TMTC2: variants seen among roughly 807,000 people sequenced by gnomAD.
TMTC2 encodes the protein protein O-mannosyl-transferase TMTC2.
In TMTC2, 43 loss-of-function variants were observed where a neutral mutation model predicts 82.4. The ratio of observed to expected loss-of-function variants is 0.52; its 90% CI spans 0.41 to 0.67. TMTC2 has a LOEUF of 0.67. Among genes scored for constraint, TMTC2 ranks in the 30% least tolerant of loss-of-function variants. The pLI, the probability that TMTC2 is intolerant of heterozygous loss-of-function variation, is 0.00. For synonymous variants in TMTC2, 408 were observed against 381.9 expected, an observed-to-expected ratio of 1.07 and a Z score of -0.80; for missense variants, 919 against 1,012.4, an observed-to-expected ratio of 0.91 and a Z score of 1.25.
At chr12:82,760,222 C>CT (rs1876539842) in intron 1 of TMTC2, 1 of 151,710 alleles carries the variant, frequency 6.6e-6, no homozygotes, top group Admixed American at 6.6e-5. Context: ...GTAATCAGCA[C>CT]TTTTGAGAAG....
At chr12:82,737,014 A>T (rs1875161479) in intron 1 of TMTC2, among the ~76,000 whole-genome samples, 1 of 152,216 alleles carries the variant, frequency 6.6e-6, no homozygotes, top group South Asian at 2.1e-4. Flanking sequence ...ACTAAAGATC[A>T]GTTAGAATTT....
At chr12:83,026,434 A>C (rs1881179228) in intron 8 of TMTC2, among the ~76,000 whole-genome samples, 1 of 151,926 alleles carries the variant, frequency 6.6e-6, no homozygotes, top group African/African-American at 2.4e-5. Context: ...TTACATAAAC[A>C]CTCAAAATCA....
chr12:83,033,484 G>A (rs941517151), intron 9 of TMTC2, among the ~76,000 whole-genome samples: 7 of 152,098 alleles, frequency 4.6e-5, no homozygotes, highest in African/African-American at 1.4e-4. Context: ...CGGGCACGGC[G>A]GCTCACGCCT....
At chr12:82,873,213 TTGTGTG>T (rs35177760) in intron 2 of TMTC2, among the ~76,000 whole-genome samples, 169 of 143,624 alleles carry the variant, frequency 1.2e-3, no homozygotes, top group East Asian at 5.1e-3. Flanking sequence ...TTCAAAGATG[TTGTGTG>T]TGTGTGTGTG....
chr12:82,963,231 G>A (rs1208710409), intron 4 of TMTC2, among the ~76,000 whole-genome samples: 2 of 151,924 alleles, frequency 1.3e-5, no homozygotes, highest in Non-Finnish European at 2.9e-5. Context: ...AATGAATACA[G>A]GTTATACGGG....
At chr12:82,831,507 T>C (rs1869744363) in intron 1 of TMTC2, among the ~76,000 whole-genome samples, 1 of 152,174 alleles carries the variant, frequency 6.6e-6, no homozygotes, top group Admixed American at 6.5e-5. Context: ...TAAATAAATA[T>C]TTGTTGAATG....
chr12:83,059,582 A>C (rs1012236453), intron 10 of TMTC2, among the ~76,000 whole-genome samples: 6 of 151,764 alleles, frequency 4.0e-5, no homozygotes, highest in Non-Finnish European at 8.8e-5. Context: ...TTCCCACCTC[A>C]TCAGAATTTC....
In TMTC2 at chr12:82,749,739, CT is replaced by C. The variant is rs71068950; in HGVS notation, c.83+62086del. On this transcript the variant is annotated intron_variant, in intron 1 of 11. Coordinates refer to ENST00000321196, the MANE Select transcript of TMTC2 (RefSeq NM_152588.3). The stretch of plus-strand genomic sequence containing the variant: ...TTTGTTTTTCTTTCTTTCTTTCTTT[CT>C]TTTTTTTTTTTTTTTGAGGCGGAGT... 1.2e-3 allele frequency among the ~76,000 whole-genome samples: 149 copies of C among 127,130 alleles called. 1 individual carries two copies. Among genetic ancestry groups the C allele is most frequent in the African/African-American group, 3.9e-3 (127 of 32,284 alleles). 83.4% of individuals were successfully genotyped at this position (127,130 alleles called of 152,430 possible).
intron 4 of TMTC2, among the ~76,000 whole-genome samples, chr12:82,960,031 A>G (rs928705265): frequency 2.1e-4 from 32 of 152,246 alleles, no homozygotes; most frequent in African/African-American, 7.7e-4. Context: ...AGACACTTCA[A>G]AAGAAGACAT....
intron 3 of TMTC2, among the ~76,000 whole-genome samples, chr12:82,901,203 AAT>A (rs199754929): frequency 2.5e-5 from 2 of 81,330 alleles, no homozygotes; most frequent in African/African-American, 1.3e-4. Context: ...ATATATCTGG[AAT>A]ATATATATAG....
chr12:82,749,740 T>TTC, intron 1 of TMTC2, among the ~76,000 whole-genome samples: 1 of 262 alleles, frequency 3.8e-3, no homozygotes, highest in East Asian at 0.17. Context: ...TCTTTCTTTC[T>TTC]TTTTTTTTTT....
intron 3 of TMTC2, among the ~76,000 whole-genome samples, chr12:82,912,662 G>A (rs1874745254): frequency 6.6e-6 from 1 of 152,108 alleles, no homozygotes; most frequent in African/African-American, 2.4e-5. Flanking sequence ...TGGTGGTTGG[G>A]TGCAGTGGTT....
intron 1 of TMTC2, among the ~76,000 whole-genome samples, chr12:82,837,463 G>A (rs75794525): frequency 6.6e-6 from 1 of 152,046 alleles, no homozygotes; most frequent in Admixed American, 6.6e-5. Context: ...CAAAAAAAAG[G>A]TTACGATGAT....
intron 11 of TMTC2, among the ~76,000 whole-genome samples, chr12:83,123,439 CT>C (rs1885015305): frequency 6.6e-6 from 1 of 152,132 alleles, no homozygotes; most frequent in African/African-American, 2.4e-5. Flanking sequence ...TTTTGTAAAT[CT>C]TTTTTGATTT....
At chr12:82,897,489 A>G (rs986329784) in intron 3 of TMTC2, among the ~76,000 whole-genome samples, 5 of 152,308 alleles carry the variant, frequency 3.3e-5, no homozygotes, top group Middle Eastern at 3.4e-3. Context: ...GAAATATATC[A>G]TAGTAAATAG....
intron 1 of TMTC2, among the ~76,000 whole-genome samples, chr12:82,788,471 T>C (rs1878294331): frequency 6.6e-6 from 1 of 152,092 alleles, no homozygotes; most frequent in South Asian, 2.1e-4. Context: ...GGAACAGCAA[T>C]AAGAGCACAG....
intron 3 of TMTC2, among the ~76,000 whole-genome samples, chr12:82,903,493 G>A (rs2137195341): frequency 6.6e-6 from 1 of 152,216 alleles, no homozygotes; most frequent in African/African-American, 2.4e-5. Flanking sequence ...CTCACTGCAA[G>A]CGCCGCCTCC....
At chr12:82,995,300 A>G (rs1879568714) in intron 8 of TMTC2, among the ~76,000 whole-genome samples, 1 of 148,868 alleles carries the variant, frequency 6.7e-6, no homozygotes, top group Non-Finnish European at 1.5e-5. Flanking sequence ...AAGGAAATGT[A>G]TTTTTTCCTT....
intron 6 of TMTC2, 80 bp from the exon 7 acceptor site, chr12:82,966,839 A>C: frequency 1.9e-6 from 2 of 1,049,438 alleles, no homozygotes; most frequent in Non-Finnish European, 2.8e-6. Context: ...TAACTTTGGA[A>C]GAAAGTTATT....
Sources: allele counts gnomAD v4.1 joint callset (sites outside exome capture counted in the v4.1 genomes callset), GRCh38; gene constraint gnomAD v4.1.1; transcripts MANE v1.5; gene names NCBI Gene and HGNC (gene_info 2026-07-23, HGNC 2026-07-21).